The following ERMARD variants were observed in gnomAD, a reference collection of about 807,000 sequenced individuals.
ERMARD encodes endoplasmic reticulum membrane-associated RNA degradation protein.
Under a neutral mutation model 83.9 loss-of-function variants are expected in ERMARD, and 71 were observed. The ratio of observed to expected loss-of-function variants is 0.85; its 90% confidence interval spans 0.70 to 1.03. The LOEUF is 1.03. Among genes scored for constraint, ERMARD ranks in the 50% least tolerant of loss-of-function variants. ERMARD has a pLI of 0.00. For missense variants in ERMARD, 838 were observed against 810.9 expected (o/e 1.03, Z -0.41); for synonymous variants, 284 against 298.6 (o/e 0.95, Z 0.50).
chr6:169,778,283 GA>G (rs1370742518), intron 16 of ERMARD, among the ~76,000 whole-genome samples: 1 of 152,228 alleles, frequency 6.6e-6, no homozygotes, highest in African/African-American at 2.4e-5. Flanking sequence ...GATTTTCATA[GA>G]AAGTTGTAGT....
Position 169,768,112 on chromosome 6 carries a change from A to G in ERMARD, c.1000A>G (p.Lys334Glu). Residue 334 changes from lysine to glutamate, a missense_variant, in exon 11 of 18, where the codon AAA becomes GAA. Coordinates refer to ENST00000366773, the MANE Select transcript of ERMARD (RefSeq NM_018341.3). ...LYTTFDQILA[K>E]HLNDGKINQL... ...ATTTTTGATGTTTTAGATATTGGCA[A>G]AACACTTGAATGATGGTAAAATCAA... 6.2e-7 allele frequency: 1 copy of G among 1,614,070 alleles called. No individual in the cohort carries two copies. Among genetic ancestry groups the G allele is most frequent in the Non-Finnish European group, 8.5e-7 (1 of 1,179,912 alleles).
chr6:169,773,463 CAG>C, intron 13 of ERMARD, 61 bp downstream of exon 13: 1 of 1,526,382 alleles, frequency 6.6e-7, no homozygotes, highest in Admixed American at 1.7e-5. Flanking sequence ...CTGTCTTCTG[CAG>C]AGATGCTGGA....
intron 7 of ERMARD, among the ~76,000 whole-genome samples, chr6:169,760,397 C>T (rs564280042): frequency 4.6e-5 from 7 of 152,296 alleles, no homozygotes; most frequent in Admixed American, 2.0e-4. Context: ...TCATTGTGCT[C>T]AGTTGGTCCA....
intron 16 of ERMARD, among the ~76,000 whole-genome samples, chr6:169,777,657 A>G (rs1285495849): frequency 6.6e-6 from 1 of 152,196 alleles, no homozygotes; most frequent in Non-Finnish European, 1.5e-5. Context: ...ATAAAGATGA[A>G]TTAAAAACAA....
intron 12 of ERMARD, among the ~76,000 whole-genome samples, chr6:169,769,927 G>A (rs535175417): frequency 2.0e-5 from 3 of 152,110 alleles, no homozygotes; most frequent in South Asian, 2.1e-4. Context: ...AATTTAACTC[G>A]TTTCTTAAAA....
chr6:169,768,733 TCCAG>T (rs1792521263), intron 11 of ERMARD, among the ~76,000 whole-genome samples: 1 of 152,152 alleles, frequency 6.6e-6, no homozygotes, highest in Non-Finnish European at 1.5e-5. Context: ...GCCACTGCAC[TCCAG>T]CCTGGGCAAC....
Position 169,775,940 on chromosome 6 carries a change from A to G in ERMARD, c.1395A>G (p.Arg465=). 1.9e-6 allele frequency: 3 copies of G among 1,613,992 alleles called. No homozygotes were observed. In the East Asian group the frequency reaches 6.7e-5, roughly 36 times the overall value. ...TCTTTAAATATTTTCTGTTTTTCAG[A>G]TTAGAAGATAATTCTGAAACAAATG... ...FPEELTRQAV[R]LEDNSETNAC... The change falls in exon 15 of 18, where the codon AGA becomes AGG. Residue 465 remains arginine (R), a splice_region_variant and synonymous_variant. Coordinates refer to ENST00000366773, the MANE Select transcript of ERMARD (RefSeq NM_018341.3).
chr6:169,756,766 G>C lies in ERMARD; in HGVS notation c.465G>C (p.Leu155=), dbSNP rs752323554. The change falls in exon 5 of 18, where the codon CTG becomes CTC. Residue 155 remains leucine, a synonymous_variant. Coordinates refer to ENST00000366773, the MANE Select transcript of ERMARD (RefSeq NM_018341.3). ...GKECPFLLRD[L]LSSEELAQVF... Reference sequence around the variant, plus strand: ...AATGCCCCTTTCTTTTAAGAGATCTGCTTTCATCTGAGGAGCTTGCTCAAG... The same window carrying C: ...AATGCCCCTTTCTTTTAAGAGATCTCCTTTCATCTGAGGAGCTTGCTCAAG... 4 of 1,614,052 alleles carry C rather than the reference G, an allele frequency of 2.5e-6. No homozygotes were observed. Among genetic ancestry groups the C allele is most frequent in the Non-Finnish European group, 3.4e-6 (4 of 1,180,016 alleles).
chr6:169,772,290 G>A (rs777134687), intron 12 of ERMARD, among the ~76,000 whole-genome samples: 6 of 152,328 alleles, frequency 3.9e-5, no homozygotes, highest in South Asian at 2.1e-4. Context: ...CATATGCTGC[G>A]TGTGTGTCTG....
At position 169,755,435 on chromosome 6, in the gene ERMARD, A is replaced by G. The variant is rs748576317; in HGVS notation, c.315+13A>G. 1 of 1,613,802 alleles carries G rather than the reference A, an allele frequency of 6.2e-7. No individual in the cohort carries two copies. Among genetic ancestry groups the G allele is most frequent in the Non-Finnish European group, 8.5e-7 (1 of 1,179,898 alleles). On this transcript the variant is annotated intron_variant, in intron 3 of 17. Coordinates refer to ENST00000366773, the MANE Select transcript of ERMARD (RefSeq NM_018341.3). ...AAGTTTTCCAGAGGTTTGGCTTTTG[A>G]ACAACCTTTAGAAATAAAAGACTGT...
intron 8 of ERMARD, 30 bp downstream of exon 8, chr6:169,760,786 T>A: frequency 6.7e-7 from 1 of 1,502,074 alleles, no homozygotes; most frequent in Non-Finnish European, 9.2e-7. Context: ...CAGAGTGGTT[T>A]GCAGTGGTTG....
At chr6:169,777,180 G>T (rs1278639929) in intron 16 of ERMARD, among the ~76,000 whole-genome samples, 1 of 152,224 alleles carries the variant, frequency 6.6e-6, no homozygotes, top group Non-Finnish European at 1.5e-5. Flanking sequence ...GTGTGGCTCA[G>T]TGAAGCTGCA....
At position 169,775,309 on chromosome 6, in the gene ERMARD, C is replaced by G. The variant is rs1234477941; in HGVS notation, c.1357C>G (p.Leu453Val). 1.2e-6 allele frequency: 2 copies of G among 1,614,228 alleles called. No individual in the cohort carries two copies. ...GGAGAGCATCAGGGTTTGGGCTCTG[C>G]TGCCTTTCCCCGAAGAACTCACTCG... is the stretch of plus-strand genomic sequence containing the variant. ...CEESIRVWALLPFPEELTRQA... is the reference protein window; with the variant it reads ...CEESIRVWALVPFPEELTRQA... Residue 453 changes from leucine to valine, a missense_variant, in exon 14 of 18, where the codon CTG becomes GTG. Transcript: ENST00000366773.
chr6:169,779,412 G>T, intron 17 of ERMARD, 117 bp downstream of exon 17: 1 of 798,774 alleles, frequency 1.3e-6, no homozygotes, highest in Non-Finnish European at 2.1e-6. Flanking sequence ...TGGCCCCACC[G>T]CCATCTCAGG....
intron 5 of ERMARD, among the ~76,000 whole-genome samples, 186 bp from the exon 6 acceptor site, chr6:169,758,782 G>A (rs1791144598): frequency 1.3e-5 from 2 of 152,102 alleles, no homozygotes; most frequent in Admixed American, 1.3e-4. Flanking sequence ...ATGAGTTGAT[G>A]TACATGTACA....
At position 169,758,954 on chromosome 6, in the gene ERMARD, G is replaced by T. The variant is rs756454423; in HGVS notation, c.508-14G>T. On this transcript the variant is annotated splice_polypyrimidine_tract_variant and intron_variant, in intron 5 of 17. Transcript: ENST00000366773. ...AATTCAGTATAATTAACTATGTAAT[G>T]ATTTGCGGATTAGATGAATGTGCTA... 6.2e-7 allele frequency: 1 copy of T among 1,603,774 alleles called. No homozygotes were observed. The highest frequency in any genetic ancestry group is 1.1e-5 in the South Asian group (1 of 89,436).
chr6:169,778,015 C>G (rs1458504131), intron 16 of ERMARD, among the ~76,000 whole-genome samples: 1 of 152,218 alleles, frequency 6.6e-6, no homozygotes, highest in African/African-American at 2.4e-5. Context: ...CCACCCTGGA[C>G]AGGACGCGTT....
intron 7 of ERMARD, 104 bp downstream of exon 7, chr6:169,760,078 G>C (rs1316613634): frequency 1.3e-6 from 2 of 1,543,394 alleles, no homozygotes; most frequent in Admixed American, 3.9e-5. Flanking sequence ...TGAAGTAGTT[G>C]TTCTTCAGTA....
intron 13 of ERMARD, 34 bp downstream of exon 13, chr6:169,773,436 T>C: frequency 1.2e-6 from 2 of 1,602,268 alleles, no homozygotes; most frequent in Non-Finnish European, 1.7e-6. Context: ...GAGGGGCGTG[T>C]ATGTCTCTGA....
Sources: allele counts gnomAD v4.1 joint callset (sites outside exome capture counted in the v4.1 genomes callset), GRCh38; gene constraint gnomAD v4.1.1; transcripts MANE v1.5; gene names NCBI Gene and HGNC (gene_info 2026-07-23, HGNC 2026-07-21).